IL1RL1: variants seen among roughly 807,000 people sequenced by gnomAD.
IL1RL1 encodes interleukin-1 receptor-like 1.
In IL1RL1, 32 loss-of-function variants were observed where a neutral mutation model predicts 50.9. The observed-to-expected ratio is 0.63, with a 90% CI of 0.47 to 0.84. The LOEUF (loss-of-function observed/expected upper bound fraction) is 0.84, where lower values mean the gene tolerates loss of function less well. Ranked by LOEUF, IL1RL1 falls within the 40% of genes least tolerant of loss-of-function variation. IL1RL1 has a pLI of 0.00. For synonymous variants in IL1RL1, 275 were observed against 236.0 expected (o/e 1.17, Z -1.51); for missense variants, 773 against 662.9 (o/e 1.17, Z -1.82).
chr2:102,316,945 C>T (rs1264700214), intron 1 of IL1RL1, among the ~76,000 whole-genome samples: 2 of 152,168 alleles, frequency 1.3e-5, no homozygotes, highest in African/African-American at 2.4e-5. Flanking sequence ...TTGTACAACT[C>T]GCTCAGCACT....
chr2:102,311,951 TAATATATATTATATATAATA>T lies in IL1RL1; in HGVS notation c.-150+329_-150+348del, dbSNP rs1448066231. On this transcript the variant is annotated intron_variant, in intron 1 of 10. Transcript: ENST00000233954. The stretch of plus-strand genomic sequence containing the variant: ...TATATATTATATATAATATTATATA[TAATATATATTATATATAATA>T]TTATATATAATATATATTATATATA... Among the ~76,000 whole-genome samples the T allele has an allele frequency of 6.0e-4, 25 of 41,526 alleles. 2 individuals carry two copies. The highest frequency in any genetic ancestry group is 8.5e-4 in the Non-Finnish European group (21 of 24,664). 27.2% of individuals were successfully genotyped at this position (41,526 alleles called of 152,430 possible).
intron 6 of IL1RL1, 103 bp from the exon 7 acceptor site, chr2:102,342,933 G>T: frequency 4.6e-6 from 5 of 1,082,824 alleles, no homozygotes; most frequent in Non-Finnish European, 6.8e-6. Flanking sequence ...TCCTGGTGGG[G>T]TGCATACTAA....
chr2:102,333,504 G>A (rs951763489), intron 1 of IL1RL1, among the ~76,000 whole-genome samples: 6 of 152,196 alleles, frequency 3.9e-5, no homozygotes, highest in Non-Finnish European at 7.3e-5. Flanking sequence ...GAGGCAAGGA[G>A]GCTGGAGGAG....
In IL1RL1 at chr2:102,347,959, A is replaced by G. The variant is rs112595294; in HGVS notation, c.985A>G (p.Ile329Val). ...CTTTTGAATAGTTGATCATCATAGC[A>G]TCTACTGCATAATTGCAGTATGTAG... is the stretch of plus-strand genomic sequence containing the variant. The part of the protein sequence containing the change: ...SRKNPIDHHS[I>V]YCIIAVCSVF... The change falls in exon 9 of 11, where the codon ATC (isoleucine) becomes GTC (valine). Residue 329 changes from isoleucine to valine, a missense_variant. Physicochemically the swap from Ile to Val is conservative, Grantham distance 29 (BLOSUM62 3). Transcript: ENST00000233954. The G allele has an allele frequency of 3.6e-3, 5,503 of 1,515,980 alleles. 20 individuals are homozygous for G. The highest frequency in any genetic ancestry group is 9.3e-3 in the Admixed American group (557 of 59,666). The allele number at this position is 1,515,980 out of a possible 1,614,324, so 93.9% of individuals were successfully genotyped here. A position where few individuals can be genotyped will look rare whatever the true frequency, so the allele number is the denominator to read the frequency against.
chr2:102,337,019 A>G (rs534122966), intron 1 of IL1RL1: 5 of 152,352 alleles, frequency 3.3e-5, no homozygotes, highest in African/African-American at 1.2e-4. Flanking sequence ...GGCAATAAGC[A>G]TTAGTTATTA....
intron 1 of IL1RL1, among the ~76,000 whole-genome samples, chr2:102,327,988 C>G (rs1677061806): frequency 6.6e-6 from 1 of 152,184 alleles, no homozygotes; most frequent in African/African-American, 2.4e-5. Flanking sequence ...AGAGGGAATC[C>G]TCCCTAACGC....
At position 102,351,562 on chromosome 2, in the gene IL1RL1, A is replaced by C. The variant is rs753414481; in HGVS notation, c.1312A>C (p.Ile438Leu). 1.9e-6 allele frequency: 3 copies of C among 1,614,102 alleles called. No individual in the cohort carries two copies. In the Admixed American group the frequency reaches 5.0e-5, roughly 27 times the overall value. ...TGTAGTCACTGCAGTGGAAACCAAC[A>C]TACGAAAGAGCAGGCGGCACATTTT... is the stretch of plus-strand genomic sequence containing the variant. The part of the protein sequence containing the change: ...EDVVTAVETN[I>L]RKSRRHIFIL... Residue 438 changes from isoleucine (I) to leucine (L), a missense_variant, in exon 11 of 11, where the codon ATA becomes CTA. Ile to Leu is a conservative substitution (Grantham distance 5). Coordinates refer to ENST00000233954, the MANE Select transcript of IL1RL1 (RefSeq NM_016232.5).
intron 1 of IL1RL1, among the ~76,000 whole-genome samples, chr2:102,321,773 T>G (rs1012626992): frequency 6.6e-6 from 1 of 152,236 alleles, no homozygotes; most frequent in Non-Finnish European, 1.5e-5. Flanking sequence ...CAAGTGAAAC[T>G]GTTTCACAGA....
intron 6 of IL1RL1, 38 bp downstream of exon 6, chr2:102,342,332 G>A (rs761567565): frequency 1.4e-5 from 20 of 1,435,174 alleles, no homozygotes; most frequent in African/African-American, 1.4e-5. Flanking sequence ...ATATTGCCTG[G>A]AAAAATCCTT....
At position 102,340,123 on chromosome 2, in the gene IL1RL1, G is replaced by A. The variant is rs754229436; in HGVS notation, c.298G>A (p.Ala100Thr). The change falls in exon 4 of 11, where the codon GCG becomes ACG. Residue 100 changes from alanine to threonine, a missense_variant. By Grantham distance (58) the Ala-to-Thr change is moderately conservative (BLOSUM62 0). Transcript: ENST00000233954. ...TCCCACATTCAATAGGACTGGATAT[G>A]CGAATGTCACCATATATAAAAAACA... ...RSPTFNRTGY[A>T]NVTIYKKQSD... 1.5e-5 allele frequency: 24 copies of A among 1,576,148 alleles called. No homozygotes were observed. In the East Asian group the frequency reaches 5.3e-4, roughly 35 times the overall value.
At chr2:102,342,070 TGTGTGTGTG>T in intron 5 of IL1RL1, among the ~76,000 whole-genome samples, 144 bp from the exon 6 acceptor site, 1 of 151,584 alleles carries the variant, frequency 6.6e-6, no homozygotes, top group Non-Finnish European at 1.5e-5. Flanking sequence ...TGTGTGTGTG[TGTGTGTGTG>T]TGTGTGTGTT....
chr2:102,349,141 G>A lies in IL1RL1; in HGVS notation c.1180G>A (p.Ala394Thr). Residue 394 changes from alanine (A) to threonine (T), a missense_variant, in exon 10 of 11, where the codon GCC becomes ACC. Transcript: ENST00000233954. ...PRNYKSSTDG[A>T]SRVEHFVHQI... is the part of the protein sequence containing the mutation. ...GAACTACAAATCCAGTACAGATGGG[G>A]CCAGTCGTGTAGAGCACTTTGTTCA... is the stretch of plus-strand genomic sequence containing the variant. 6.2e-7 allele frequency: 1 copy of A among 1,613,284 alleles called. No individual in the cohort carries two copies. Among genetic ancestry groups the A allele is most frequent in the Middle Eastern group, 1.6e-4 (1 of 6,062 alleles).
intron 1 of IL1RL1, among the ~76,000 whole-genome samples, chr2:102,337,643 T>C (rs1419169699): frequency 6.6e-6 from 1 of 152,202 alleles, no homozygotes; most frequent in Non-Finnish European, 1.5e-5. Flanking sequence ...TGCTTTAGTC[T>C]AGTTCTGATT....
In IL1RL1 at chr2:102,339,019, T is replaced by C; in HGVS notation, c.244T>C (p.Ser82Pro). The change falls in exon 3 of 11, where the codon TCT (serine) becomes CCT (proline). Residue 82 changes from serine to proline, a missense_variant. Physicochemically the swap from Ser to Pro is moderately conservative, Grantham distance 74. Transcript: ENST00000233954. The part of the protein sequence containing the change: ...LKFLPAAVAD[S>P]GIYTCIVRSP... ...GTTTCTACCAGCTGCAGTTGCTGAT[T>C]CTGGTATTTATACCTGTATTGTCAG... 6.2e-7 allele frequency: 1 copy of C among 1,613,590 alleles called. No homozygotes were observed. Among genetic ancestry groups the C allele is most frequent in the Non-Finnish European group, 8.5e-7 (1 of 1,179,532 alleles).
At chr2:102,312,016 A>C (rs56129602) in intron 1 of IL1RL1, among the ~76,000 whole-genome samples, 2,045 of 28,904 alleles carry the variant, frequency 0.071, 100 homozygotes, top group East Asian at 0.12. Context: ...TATATATTAT[A>C]TATAATATAT....
At chr2:102,311,994 ATAATATATTTATATATATTAT>A (rs1354818437) in intron 1 of IL1RL1, among the ~76,000 whole-genome samples, 1 of 32,510 alleles carries the variant, frequency 3.1e-5, no homozygotes, top group Non-Finnish European at 4.8e-5. Context: ...TATATTATAT[ATAATATATTTATATATATTAT>A]ATATAATATA....
intron 1 of IL1RL1, among the ~76,000 whole-genome samples, chr2:102,313,648 C>T (rs1676586115): frequency 6.6e-6 from 1 of 152,172 alleles, no homozygotes; most frequent in Admixed American, 6.5e-5. Flanking sequence ...TCCTGGTTTT[C>T]TGGGAGTGCA....
intron 1 of IL1RL1, among the ~76,000 whole-genome samples, chr2:102,329,684 G>A (rs182532707): frequency 2.6e-5 from 4 of 152,300 alleles, no homozygotes; most frequent in Admixed American, 6.5e-5. Context: ...CAAAGGATAT[G>A]AACAGACACT....
At chr2:102,333,624 C>G (rs997962823) in intron 1 of IL1RL1, among the ~76,000 whole-genome samples, 4 of 152,076 alleles carry the variant, frequency 2.6e-5, no homozygotes, top group Non-Finnish European at 5.9e-5. Context: ...ATTTTAGATT[C>G]TAAGGTACAT....
Sources: gnomAD v4.1 joint callset for allele counts (sites outside exome capture counted in the v4.1 genomes callset) on GRCh38, gnomAD v4.1.1 for gene constraint, MANE v1.5 for transcripts, NCBI Gene and HGNC (gene_info 2026-07-23, HGNC 2026-07-21) for gene names.